The following PARN variants were observed in gnomAD, a reference collection of about 807,000 sequenced individuals.
The protein encoded by PARN is poly(A)-specific ribonuclease, also known as poly(A)-specific ribonuclease PARN.
Under a neutral mutation model 102.8 loss-of-function variants are expected in PARN, and 71 were observed. The ratio of observed to expected loss-of-function variants is 0.69; its 90% CI spans 0.57 to 0.84. The LOEUF (loss-of-function observed/expected upper bound fraction) is 0.84, where lower values mean the gene tolerates loss of function less well. Ranked by LOEUF, PARN falls within the 40% of genes least tolerant of loss-of-function variation. The pLI is 0.00. For missense variants in PARN, 782 were observed against 760.9 expected (o/e 1.03, Z -0.33); for synonymous variants, 261 against 252.9 (o/e 1.03, Z -0.30).
chr16:14,565,342 G>C (rs1171499113), intron 18 of PARN, among the ~76,000 whole-genome samples: 1 of 151,280 alleles, frequency 6.6e-6, no homozygotes, highest in Non-Finnish European at 1.5e-5. Flanking sequence ...GACAAATAGA[G>C]CGTTACTCAA....
At chr16:14,477,548 C>A (rs923010176) in intron 22 of PARN, among the ~76,000 whole-genome samples, 2 of 150,852 alleles carry the variant, frequency 1.3e-5, no homozygotes, top group Non-Finnish European at 3.0e-5. Flanking sequence ...GAGGCCAAGG[C>A]GGGTGGATCA....
Position 14,482,640 on chromosome 16 carries a change from A to T in PARN, c.1668T>A (p.Asn556Lys). 1 of 1,596,972 alleles carries T rather than the reference A, an allele frequency of 6.3e-7. No homozygotes were observed. Among genetic ancestry groups the T allele is most frequent in the Non-Finnish European group, 8.5e-7 (1 of 1,173,162 alleles). ...AATTAACAGCTGAGAGCTCTTACCT[A>T]TTGTTGCGGTAATAGTGATTCTGCA... ...YTLQNHYYRN[N>K]SFTAPSTVGK... Residue 556 changes from asparagine (N) to lysine (K), a missense_variant and splice_region_variant, in exon 22 of 24, where the codon AAT becomes AAA. By Grantham distance (94) the Asn-to-Lys change is moderately conservative. Transcript: ENST00000437198.
chr16:14,563,476 TTGTGTGTGTGTGTGTGTGTG>T (rs56099416), intron 18 of PARN, among the ~76,000 whole-genome samples: 42 of 143,756 alleles, frequency 2.9e-4, no homozygotes, highest in South Asian at 1.1e-3. Context: ...GAAAATTCCT[TTGTGTGTGTGTGTGTGTGTG>T]TGTGTGTGTG....
intron 21 of PARN, among the ~76,000 whole-genome samples, chr16:14,511,135 T>A (rs1965166780): frequency 6.6e-6 from 1 of 152,244 alleles, no homozygotes; most frequent in African/African-American, 2.4e-5. Flanking sequence ...TATACATTAG[T>A]CTTCCCTTGT....
At chr16:14,522,770 C>T (rs891469188) in intron 21 of PARN, among the ~76,000 whole-genome samples, 5 of 152,148 alleles carry the variant, frequency 3.3e-5, no homozygotes, top group Non-Finnish European at 5.9e-5. Context: ...AACAACCAGC[C>T]CAGAGAAATG....
At chr16:14,503,285 A>C (rs1357279153) in intron 21 of PARN, among the ~76,000 whole-genome samples, 2 of 152,198 alleles carry the variant, frequency 1.3e-5, no homozygotes, top group African/African-American at 4.8e-5. Flanking sequence ...GTCAATTTGT[A>C]TTCTAGGTGC....
At chr16:14,476,452 T>C (rs999570954) in intron 22 of PARN, among the ~76,000 whole-genome samples, 2 of 152,198 alleles carry the variant, frequency 1.3e-5, no homozygotes, top group African/African-American at 4.8e-5. Context: ...AGAGTAAACA[T>C]TTTGAGTTCT....
intron 22 of PARN, among the ~76,000 whole-genome samples, chr16:14,477,811 G>A (rs941692606): frequency 1.4e-4 from 22 of 151,778 alleles, no homozygotes; most frequent in African/African-American, 5.1e-4. Flanking sequence ...AGGGGGAAGG[G>A]AAGGGAAGAG....
chr16:14,466,826 C>T (rs761533562), intron 22 of PARN, among the ~76,000 whole-genome samples: 17 of 152,152 alleles, frequency 1.1e-4, no homozygotes, highest in Admixed American at 5.9e-4. Context: ...TGAAGATGTT[C>T]CATCTCTTTG....
At chr16:14,446,680 C>T (rs1452535378) in intron 23 of PARN, among the ~76,000 whole-genome samples, 1 of 152,064 alleles carries the variant, frequency 6.6e-6, no homozygotes, top group South Asian at 2.1e-4. Flanking sequence ...AACAAGGAGA[C>T]CCCCCAGGCC....
chr16:14,485,693 T>C (rs1361792168), intron 21 of PARN, among the ~76,000 whole-genome samples: 1 of 152,000 alleles, frequency 6.6e-6, no homozygotes, highest in Non-Finnish European at 1.5e-5. Flanking sequence ...TTTTTATTAA[T>C]ATATTTATTT....
chr16:14,480,833 C>T (rs1192802648), intron 22 of PARN, among the ~76,000 whole-genome samples: 1 of 151,880 alleles, frequency 6.6e-6, no homozygotes, highest in African/African-American at 2.4e-5. Flanking sequence ...CGCAGCTTCT[C>T]GGGAAGCGGA....
chr16:14,571,500 T>C (rs1385980368), intron 18 of PARN, among the ~76,000 whole-genome samples: 1 of 152,242 alleles, frequency 6.6e-6, no homozygotes, highest in Non-Finnish European at 1.5e-5. Flanking sequence ...TGTAGGTTTT[T>C]TGCGGGAGGT....
chr16:14,502,885 C>G (rs565256251), intron 21 of PARN, among the ~76,000 whole-genome samples: 7 of 152,256 alleles, frequency 4.6e-5, no homozygotes, highest in Admixed American at 4.6e-4. Flanking sequence ...AGAACCACGG[C>G]TTAACTTCTT....
At chr16:14,510,269 A>G (rs1376577259) in intron 21 of PARN, among the ~76,000 whole-genome samples, 1 of 152,272 alleles carries the variant, frequency 6.6e-6, no homozygotes, top group African/African-American at 2.4e-5. Flanking sequence ...AAATAAGTCA[A>G]CAAAAACTGC....
Position 14,597,652 on chromosome 16 carries a change from G to A in PARN, c.840+2252C>T, listed in dbSNP as rs371199288. Among the ~76,000 whole-genome samples, 35 of 151,712 alleles carry A rather than the reference G, an allele frequency of 2.3e-4. No homozygotes were observed. In the Middle Eastern group the frequency reaches 0.01, roughly 44 times the overall value. On this transcript the variant is annotated intron_variant, in intron 12 of 23. Coordinates refer to ENST00000437198, the MANE Select transcript of PARN (RefSeq NM_002582.4). ...GCAGAGCTTGCAGTACGCCAAGATC[G>A]CGCCACCGCGCTCCAGCGTGGGCGA...
chr16:14,472,591 C>T (rs987693967), intron 22 of PARN, among the ~76,000 whole-genome samples: 1 of 152,176 alleles, frequency 6.6e-6, no homozygotes, highest in Non-Finnish European at 1.5e-5. Flanking sequence ...GAAAAGCTCT[C>T]GATTTGCTGC....
In PARN at chr16:14,593,219, T is replaced by C. The variant is rs1970302419; in HGVS notation, c.918+82A>G. On this transcript the variant is annotated intron_variant, in intron 13 of 23. Transcript: ENST00000437198. ...GAAATGGCACCCAAGTAGAGGACAGTTCAGTTAAAAGCATCATAATAATAT... is the reference window on the plus strand; with the variant it reads ...GAAATGGCACCCAAGTAGAGGACAGCTCAGTTAAAAGCATCATAATAATAT... 3.9e-6 allele frequency: 3 copies of C among 777,342 alleles called. No homozygotes were observed. The Admixed American group carries it at 6.4e-5, about 16-fold the overall frequency. The allele number at this position is 777,342 out of a possible 1,614,324, so 48.2% of individuals were successfully genotyped here.
chr16:14,471,552 T>C (rs796398811), intron 22 of PARN, among the ~76,000 whole-genome samples: 3 of 152,320 alleles, frequency 2.0e-5, no homozygotes, highest in East Asian at 3.9e-4. Flanking sequence ...ACATAAAATT[T>C]AGTGTCTTAA....
Sources: gnomAD v4.1 joint callset for allele counts (sites outside exome capture counted in the v4.1 genomes callset) on GRCh38, gnomAD v4.1.1 for gene constraint, MANE v1.5 for transcripts, NCBI Gene and HGNC (gene_info 2026-07-23, HGNC 2026-07-21) for gene names.